Variants in CHN2 observed in about 807,000 individuals in gnomAD.
CHN2 encodes the protein chimerin 2.
CHN2 carries 35 observed loss-of-function variants against 56.3 expected under a neutral mutation model. The observed-to-expected ratio is 0.62, with a 90% CI of 0.47 to 0.82. The LOEUF (loss-of-function observed/expected upper bound fraction) is 0.82. Among genes scored for constraint, CHN2 ranks in the 40% least tolerant of loss-of-function variants. The pLI, the probability that CHN2 is intolerant of heterozygous loss-of-function variation, is 0.00. For missense variants in CHN2, 491 were observed against 580.5 expected, an observed-to-expected ratio of 0.85 and a Z score of 1.58; for synonymous variants, 210 against 212.8, an observed-to-expected ratio of 0.99 and a Z score of 0.12.
intron 1 of CHN2, among the ~76,000 whole-genome samples, chr7:29,293,362 G>GTC (rs1792812098): frequency 1.9e-5 from 1 of 53,114 alleles, no homozygotes; most frequent in Non-Finnish European, 3.9e-5. Context: ...GGCAGCTAAT[G>GTC]CCCCCCCCCC....
intron 7 of CHN2, chr7:29,483,866 T>C: frequency 7.7e-7 from 1 of 1,301,152 alleles, no homozygotes; most frequent in South Asian, 1.2e-5. Flanking sequence ...CACACCATGT[T>C]CTTCCAAAGA....
intron 1 of CHN2, among the ~76,000 whole-genome samples, chr7:29,326,903 G>A (rs1423284831): frequency 6.6e-6 from 1 of 152,062 alleles, no homozygotes; most frequent in African/African-American, 2.4e-5. Flanking sequence ...GCTTTAATGG[G>A]TTACCTCAAT....
At chr7:29,166,480 T>C (rs1272896480) in intron 2 of CHN2, among the ~76,000 whole-genome samples, 1 of 152,184 alleles carries the variant, frequency 6.6e-6, no homozygotes, top group Non-Finnish European at 1.5e-5. Flanking sequence ...TTCGTTTGTT[T>C]GTTTTATGGG....
At chr7:29,379,311 G>A (rs1307607827) in intron 3 of CHN2, among the ~76,000 whole-genome samples, 1 of 152,238 alleles carries the variant, frequency 6.6e-6, no homozygotes. Context: ...CCATCAGCAG[G>A]AAGTTAAAGG....
At chr7:29,249,309 G>C (rs1046318927) in intron 1 of CHN2, among the ~76,000 whole-genome samples, 38 of 152,220 alleles carry the variant, frequency 2.5e-4, no homozygotes, top group African/African-American at 9.2e-4. Flanking sequence ...CCAAAAGCCA[G>C]GGAGCCTGGG....
At chr7:29,177,293 A>G (rs1172069363) in intron 2 of CHN2, among the ~76,000 whole-genome samples, 5 of 151,664 alleles carry the variant, frequency 3.3e-5, no homozygotes, top group Admixed American at 3.3e-4. Flanking sequence ...TCACTCTGTC[A>G]TCCAGGCTGG....
At chr7:29,504,031 T>C (rs1004744143) in intron 9 of CHN2, among the ~76,000 whole-genome samples, 10 of 152,366 alleles carry the variant, frequency 6.6e-5, no homozygotes, top group African/African-American at 2.4e-4. Context: ...ACCAAAACTT[T>C]ATTTTCCTGC....
intron 1 of CHN2, chr7:29,212,666 C>T: frequency 6.8e-7 from 1 of 1,465,600 alleles, no homozygotes; most frequent in Non-Finnish European, 9.6e-7. Context: ...CCTTAGCCTC[C>T]AGCAGATGCA....
intron 1 of CHN2, among the ~76,000 whole-genome samples, chr7:29,211,107 A>G (rs62444116): frequency 0.79 from 119,312 of 150,966 alleles, 47,741 homozygotes; most frequent in East Asian, 0.97. Flanking sequence ...GTCTCGCTCT[A>G]TCGCCCAGGC....
At chr7:29,341,685 A>G (rs1356794836) in intron 1 of CHN2, among the ~76,000 whole-genome samples, 2 of 152,230 alleles carry the variant, frequency 1.3e-5, no homozygotes, top group Non-Finnish European at 2.9e-5. Context: ...AGAAAATTAA[A>G]TAATGTCATG....
chr7:29,285,184 C>A (rs1430945833), intron 1 of CHN2, among the ~76,000 whole-genome samples: 3 of 152,206 alleles, frequency 2.0e-5, no homozygotes, highest in Admixed American at 2.0e-4. Context: ...CATCCTGACA[C>A]CTTGTTCCTT....
At chr7:29,214,027 C>G (rs1008259932) in intron 1 of CHN2, among the ~76,000 whole-genome samples, 2 of 152,124 alleles carry the variant, frequency 1.3e-5, no homozygotes, top group African/African-American at 4.8e-5. Context: ...GAAATGAAGC[C>G]GTGGTCATGC....
At chr7:29,323,276 T>C (rs17759894) in intron 1 of CHN2, among the ~76,000 whole-genome samples, 62,185 of 151,834 alleles carry the variant, frequency 0.41, 12,815 homozygotes, top group Middle Eastern at 0.47. Flanking sequence ...TGAAGATGGA[T>C]ACCCTGCTCA....
At chr7:29,329,628 G>A (rs1003646218) in intron 1 of CHN2, among the ~76,000 whole-genome samples, 2 of 152,146 alleles carry the variant, frequency 1.3e-5, no homozygotes, top group African/African-American at 4.8e-5. Flanking sequence ...TTCTCGAGTC[G>A]TGTGTACTTC....
intron 3 of CHN2, among the ~76,000 whole-genome samples, chr7:29,388,425 T>C (rs1585231890): frequency 6.6e-6 from 1 of 152,330 alleles, no homozygotes; most frequent in African/African-American, 2.4e-5. Flanking sequence ...ATCCCGGTGA[T>C]AGCTCATAGC....
At chr7:29,287,531 G>A (rs1450098049) in intron 1 of CHN2, among the ~76,000 whole-genome samples, 2 of 152,188 alleles carry the variant, frequency 1.3e-5, no homozygotes, top group African/African-American at 4.8e-5. Context: ...GGTCAGGTGA[G>A]TCATGTGAAA....
chr7:29,377,992 T>C (rs1389205087), intron 3 of CHN2, among the ~76,000 whole-genome samples: 2 of 152,226 alleles, frequency 1.3e-5, no homozygotes, highest in Admixed American at 1.3e-4. Flanking sequence ...ATCGATTGTT[T>C]GATGAATGTT....
chr7:29,158,629 A>G (rs780621808), intron 2 of CHN2, among the ~76,000 whole-genome samples: 13 of 151,592 alleles, frequency 8.6e-5, no homozygotes, highest in Non-Finnish European at 1.8e-4. Flanking sequence ...GTATGCCTGA[A>G]TAGGTGAATT....
At chr7:29,340,085 G>A (rs1585101807) in intron 1 of CHN2, among the ~76,000 whole-genome samples, 1 of 152,144 alleles carries the variant, frequency 6.6e-6, no homozygotes, top group East Asian at 1.9e-4. Flanking sequence ...AGCATGATGT[G>A]CTGTGGGAAA....
Sources: allele counts gnomAD v4.1 joint callset (sites outside exome capture counted in the v4.1 genomes callset), GRCh38; gene constraint gnomAD v4.1.1; transcripts MANE v1.5; gene names NCBI Gene and HGNC (gene_info 2026-07-23, HGNC 2026-07-21).